MAPKAPK2: variants seen among roughly 807,000 people sequenced by gnomAD.
MAPKAPK2 encodes the protein MAP kinase-activated protein kinase 2.
In MAPKAPK2, 9 loss-of-function variants were observed where a neutral mutation model predicts 48.8. The observed-to-expected ratio is 0.18, with a 90% CI of 0.11 to 0.32. The LOEUF is 0.32. Ranked by LOEUF, MAPKAPK2 falls within the 10% of genes least tolerant of loss-of-function variation. The pLI is 1.00. For missense variants in MAPKAPK2, 331 were observed against 498.3 expected (o/e 0.66, Z 3.20); for synonymous variants, 202 against 190.6 (o/e 1.06, Z -0.49).
At chr1:206,720,995 GTT>G (rs1553431131) in intron 1 of MAPKAPK2, among the ~76,000 whole-genome samples, 1 of 152,142 alleles carries the variant, frequency 6.6e-6, no homozygotes, top group African/African-American at 2.4e-5. Context: ...TGGGCCTTAA[GTT>G]TGTGATATAG....
chr1:206,711,673 A>C (rs1312621005), intron 1 of MAPKAPK2, among the ~76,000 whole-genome samples: 1 of 135,044 alleles, frequency 7.4e-6, no homozygotes, highest in Non-Finnish European at 1.5e-5. Context: ...GCTGGAGTTC[A>C]GTGGTGTGAT....
chr1:206,724,132 G>C (rs1553431616), intron 1 of MAPKAPK2, among the ~76,000 whole-genome samples: 1 of 152,208 alleles, frequency 6.6e-6, no homozygotes, highest in African/African-American at 2.4e-5. Context: ...CCAGTCCTCA[G>C]AGCATGGTTC....
intron 1 of MAPKAPK2, among the ~76,000 whole-genome samples, chr1:206,720,183 T>C (rs1673471659): frequency 6.6e-6 from 1 of 152,242 alleles, no homozygotes; most frequent in Non-Finnish European, 1.5e-5. Flanking sequence ...CGTGGATGGC[T>C]GCCCTCTGAC....
At position 206,685,516 on chromosome 1, in the gene MAPKAPK2, T is replaced by G; in HGVS notation, c.279+8T>G. ...GAGAAATTCGCCCTCAAAGTAGGTC[T>G]GGGGCCCGGGGAGGGGAGGCGGGGC... On this transcript the variant is annotated splice_region_variant and intron_variant, in intron 1 of 9. Transcript: ENST00000367103. 6.7e-7 allele frequency: 1 copy of G among 1,499,274 alleles called. No individual in the cohort carries two copies. The highest frequency in any genetic ancestry group is 8.9e-7 in the Non-Finnish European group (1 of 1,117,368). 92.9% of individuals were successfully genotyped at this position (1,499,274 alleles called of 1,614,324 possible).
intron 5 of MAPKAPK2, among the ~76,000 whole-genome samples, chr1:206,730,323 G>A (rs934902906): frequency 6.6e-6 from 1 of 152,212 alleles, no homozygotes; most frequent in Non-Finnish European, 1.5e-5. Flanking sequence ...GAAGAGCCAT[G>A]GTTTCCATCA....
At chr1:206,703,254 G>GAT (rs1672854391) in intron 1 of MAPKAPK2, among the ~76,000 whole-genome samples, 1 of 152,196 alleles carries the variant, frequency 6.6e-6, no homozygotes. Context: ...AAACAATAAG[G>GAT]TTTTTAAAAA....
rs1366929248 is a variant in MAPKAPK2 at position 206,732,383 on chromosome 1, G to A, written c.1060-192G>A. 15 of 1,449,372 alleles carry A rather than the reference G, an allele frequency of 1.0e-5. No homozygotes were observed. The highest frequency in any genetic ancestry group is 1.4e-5 in the Non-Finnish European group (15 of 1,102,058). 89.8% of individuals were successfully genotyped at this position (1,449,372 alleles called of 1,614,324 possible). A position where few individuals can be genotyped will look rare whatever the true frequency, so the allele number is the denominator to read the frequency against. On this transcript the variant is annotated intron_variant, in intron 9 of 9. Transcript: ENST00000367103. This position sits in a 1 kb window ranked among gnomAD's most constrained non-coding sequence, Gnocchi z 4.4. ...CAGCAGTGCCATAGCCAGGCTCTCT[G>A]CTGCCCAGCGCTGGGGTGAGGCTGC...
At chr1:206,696,192 AT>A (rs1672620540) in intron 1 of MAPKAPK2, 1 of 1,533,074 alleles carries the variant, frequency 6.5e-7, no homozygotes, top group Non-Finnish European at 9.0e-7. Flanking sequence ...CACCAAATAC[AT>A]TCTCTCCTTC....
At chr1:206,708,359 T>C (rs994289288) in intron 1 of MAPKAPK2, among the ~76,000 whole-genome samples, 3 of 152,210 alleles carry the variant, frequency 2.0e-5, no homozygotes, top group African/African-American at 7.2e-5. Context: ...ATGAAACATT[T>C]CAGATGTGCA....
At chr1:206,708,346 A>C (rs181131070) in intron 1 of MAPKAPK2, among the ~76,000 whole-genome samples, 1 of 152,100 alleles carries the variant, frequency 6.6e-6, no homozygotes. Flanking sequence ...ACAACTTTTT[A>C]TTATGAAACA....
intron 1 of MAPKAPK2, among the ~76,000 whole-genome samples, chr1:206,706,997 C>T (rs782440030): frequency 2.6e-5 from 4 of 152,110 alleles, no homozygotes; most frequent in South Asian, 2.1e-4. Context: ...GGCAGCCTTG[C>T]GGCTCCAGCT....
Position 206,732,128 on chromosome 1 carries a change from G to A in MAPKAPK2, c.1059+209G>A, listed in dbSNP as rs782592157. On this transcript the variant is annotated intron_variant, in intron 9 of 9. Coordinates refer to ENST00000367103, the MANE Select transcript of MAPKAPK2 (RefSeq NM_032960.4). The surrounding 1 kb of genome is among the most constrained non-coding windows in gnomAD (Gnocchi z 4.4). ...TGTGTTCCTGTCCAAACTCAGTGCT[G>A]TTTCTTAGAATCCTTTTATTCCCTG... 2 of 1,614,134 alleles carry A rather than the reference G, an allele frequency of 1.2e-6. No homozygotes were observed. Among genetic ancestry groups the A allele is most frequent in the South Asian group, 1.1e-5 (1 of 91,088 alleles).
chr1:206,704,081 T>TATAC lies in MAPKAPK2; in HGVS notation c.279+18574_279+18577dup, dbSNP rs1672879779. 6.6e-6 allele frequency among the ~76,000 whole-genome samples: 1 copy of TATAC among 152,192 alleles called. No individual in the cohort carries two copies. The highest frequency in any genetic ancestry group is 2.4e-5 in the African/African-American group (1 of 41,454). On this transcript the variant is annotated intron_variant, in intron 1 of 9. Transcript: ENST00000367103. This position sits in a 1 kb window ranked among gnomAD's most constrained non-coding sequence, Gnocchi z 4.3. ...CCAGGAAATCACAGAGGCTGATGGG[T>TATAC]ATACCCCAGGGTACACAGGCTATAT...
chr1:206,732,966 T>A lies in MAPKAPK2; in HGVS notation c.*248T>A, dbSNP rs1289127232. 4.2e-6 allele frequency: 2 copies of A among 471,182 alleles called. No homozygotes were observed. Among genetic ancestry groups the A allele is most frequent in the African/African-American group, 3.9e-5 (2 of 51,138 alleles). 29.2% of individuals were successfully genotyped at this position (471,182 alleles called of 1,614,324 possible). A position where few individuals can be genotyped will look rare whatever the true frequency, so the allele number is the denominator to read the frequency against. ...TTGAACCTGTGCTCATTTTGCAATT[T>A]TATCAGTAATTTGACTTAGAGTTTT... On this transcript the variant is annotated 3_prime_UTR_variant, in exon 10 of 10. Transcript: ENST00000367103. This position sits in a 1 kb window ranked among gnomAD's most constrained non-coding sequence, Gnocchi z 4.4.
intron 1 of MAPKAPK2, among the ~76,000 whole-genome samples, chr1:206,699,373 A>G (rs1011383056): frequency 6.6e-5 from 10 of 152,196 alleles, no homozygotes; most frequent in Non-Finnish European, 8.8e-5. Context: ...TGGGCAGAGG[A>G]TACTTCATGG....
intron 1 of MAPKAPK2, among the ~76,000 whole-genome samples, chr1:206,727,754 TG>T (rs782474676): frequency 2.6e-5 from 4 of 152,168 alleles, no homozygotes; most frequent in Non-Finnish European, 4.4e-5. Context: ...CCTGAGTAGC[TG>T]GGGCTACAGT....
At chr1:206,691,134 G>T (rs1427543373) in intron 1 of MAPKAPK2, among the ~76,000 whole-genome samples, 2 of 152,172 alleles carry the variant, frequency 1.3e-5, no homozygotes, top group Non-Finnish European at 2.9e-5. Context: ...CATCACTGAG[G>T]AAGAAGCTGG....
At chr1:206,713,694 C>T (rs531101933) in intron 1 of MAPKAPK2, among the ~76,000 whole-genome samples, 5 of 152,162 alleles carry the variant, frequency 3.3e-5, no homozygotes, top group African/African-American at 7.2e-5. Context: ...TGTGAAACCC[C>T]GTTTCTACCA....
At chr1:206,724,182 C>G (rs1673633757) in intron 1 of MAPKAPK2, among the ~76,000 whole-genome samples, 1 of 152,208 alleles carries the variant, frequency 6.6e-6, no homozygotes, top group Non-Finnish European at 1.5e-5. Flanking sequence ...CATGCCCATG[C>G]CCAAGGAGCA....
Sources: allele counts gnomAD v4.1 joint callset (sites outside exome capture counted in the v4.1 genomes callset), GRCh38; gene constraint gnomAD v4.1.1; non-coding constraint Gnocchi (gnomAD v3.1); transcripts MANE v1.5; gene names NCBI Gene and HGNC (gene_info 2026-07-23, HGNC 2026-07-21).